The following MXRA5 variants were observed in gnomAD, a reference collection of about 807,000 sequenced individuals.
The protein encoded by MXRA5 is matrix-remodeling-associated protein 5.
A neutral mutation model predicts 112.5 loss-of-function variants in MXRA5; 41 were observed. The observed-to-expected ratio is 0.36, with a 90% CI of 0.28 to 0.47. The LOEUF is 0.47. Ranked by LOEUF, MXRA5 falls within the 20% of genes least tolerant of loss-of-function variation. The pLI, the probability that MXRA5 is intolerant of heterozygous loss-of-function variation, is 0.99. For missense variants in MXRA5, 2,150 were observed against 2,251.0 expected, an observed-to-expected ratio of 0.96 and a Z score of 0.91; for synonymous variants, 862 against 900.8, an observed-to-expected ratio of 0.96 and a Z score of 0.77.
In MXRA5 at chrX:3,310,028, G is replaced by T. The variant is rs754617706; in HGVS notation, c.8175C>A (p.Pro2725=). The change falls in exon 7 of 7, where the codon CCC becomes CCA. Residue 2725 remains proline (P), a synonymous_variant. Transcript: ENST00000217939. ...GGGGAGGATAGGCGATCACAATCAC[G>T]GGGATGCTGGTGACCGAAGGGCCGT... is the stretch of plus-strand genomic sequence containing the variant. The part of the protein sequence containing the change: ...TEYGPSVTSI[P]VIVIAYPPRI... 4.1e-6 allele frequency: 5 copies of T among 1,211,393 alleles called. No individual in the cohort carries two copies. The South Asian group carries it at 8.8e-5, about 21-fold the overall frequency.
intron 2 of MXRA5, among the ~76,000 whole-genome samples, chrX:3,341,696 T>G (rs1313686207): frequency 1.2e-5 from 1 of 82,337 alleles, no homozygotes; most frequent in South Asian, 5.3e-4. Context: ...ATAAAGATAA[T>G]ATATATAAAA....
intron 2 of MXRA5, among the ~76,000 whole-genome samples, chrX:3,339,417 A>G: frequency 9.1e-6 from 1 of 110,343 alleles, no homozygotes; most frequent in East Asian, 2.9e-4. Context: ...GGAGCCCACC[A>G]CCACGCCCAG....
intron 2 of MXRA5, among the ~76,000 whole-genome samples, chrX:3,341,232 A>G (rs1420944100): frequency 2.0e-5 from 1 of 49,480 alleles, no homozygotes; most frequent in East Asian, 6.3e-4. Context: ...TAATGTATAT[A>G]ATTATATAAT....
At chrX:3,328,188 A>G (rs1005682028) in intron 4 of MXRA5, among the ~76,000 whole-genome samples, 1 of 112,203 alleles carries the variant, frequency 8.9e-6, no homozygotes, top group African/African-American at 3.2e-5. Context: ...TCCCACATCC[A>G]TTGCTTGATG....
intron 4 of MXRA5, among the ~76,000 whole-genome samples, chrX:3,328,798 G>C (rs1374036653): frequency 9.6e-6 from 1 of 103,663 alleles, no homozygotes; most frequent in South Asian, 4.7e-4. Context: ...GAGAGTGAAG[G>C]GGGGAGGAAT....
At chrX:3,343,982 T>C (rs1430609463) in intron 1 of MXRA5, 121 bp from the exon 2 acceptor site, 14 of 527,525 alleles carry the variant, frequency 2.7e-5, no homozygotes, top group Non-Finnish European at 3.9e-5. Context: ...CACGATGTGT[T>C]GTAGTGACGC....
chrX:3,337,317 G>A (rs1439435728), intron 2 of MXRA5, among the ~76,000 whole-genome samples: 3 of 111,909 alleles, frequency 2.7e-5, no homozygotes, highest in Non-Finnish European at 5.6e-5. Flanking sequence ...TTTATGGCAC[G>A]GCCATTGATT....
At position 3,309,673 on chromosome X, in the gene MXRA5, G is replaced by A. The variant is rs753041117; in HGVS notation, c.*43C>T. The A allele has an allele frequency of 1.8e-6, 2 of 1,137,703 alleles. No homozygotes were observed. Among genetic ancestry groups the A allele is most frequent in the Non-Finnish European group, 1.2e-6 (1 of 841,122 alleles). The allele number at this position is 1,137,703 out of a possible 1,213,427, so 93.8% of individuals were successfully genotyped here. A position where few individuals can be genotyped will look rare whatever the true frequency, so the allele number is the denominator to read the frequency against. The stretch of plus-strand genomic sequence containing the variant: ...CAACCTGGCTTCCCTTACAAACCCC[G>A]CTTTGTTGTCAGTTCCTAAGCAATC... On this transcript the variant is annotated 3_prime_UTR_variant, in exon 7 of 7. Coordinates refer to ENST00000217939, the MANE Select transcript of MXRA5 (RefSeq NM_015419.4).
intron 4 of MXRA5, among the ~76,000 whole-genome samples, chrX:3,325,903 T>C (rs1464544059): frequency 9.4e-5 from 3 of 31,896 alleles, no homozygotes; most frequent in South Asian, 2.1e-3. Flanking sequence ...TTATAATGTA[T>C]AATTTTAAAT....
At chrX:3,332,512 G>A (rs774529776) in intron 2 of MXRA5, among the ~76,000 whole-genome samples, 2 of 112,162 alleles carry the variant, frequency 1.8e-5, no homozygotes, top group East Asian at 5.6e-4. Context: ...CCAAAGTGCT[G>A]GGATTACAGG....
intron 5 of MXRA5, among the ~76,000 whole-genome samples, chrX:3,318,863 C>CT (rs200834923): frequency 1.9e-5 from 1 of 52,965 alleles, no homozygotes; most frequent in African/African-American, 7.8e-5. Context: ...TTTTCTTTTT[C>CT]TTTAAAAAAA....
rs139962691 is a variant in MXRA5 at position 3,329,993 on chromosome X, G to A, written c.709+25C>T. 5.2e-3 allele frequency: 6,157 copies of A among 1,190,600 alleles called. 174 individuals are homozygous for A. The African/African-American group carries it at 0.085, about 16-fold the overall frequency. On this transcript the variant is annotated intron_variant, in intron 4 of 6. Coordinates refer to ENST00000217939, the MANE Select transcript of MXRA5 (RefSeq NM_015419.4). Reference sequence around the variant, plus strand: ...AAGATAAAAGAATGTGCAGCTAGGAGTGGTCTGCTCTCCTCTCTTCTTACC... The same window carrying A: ...AAGATAAAAGAATGTGCAGCTAGGAATGGTCTGCTCTCCTCTCTTCTTACC...
intron 2 of MXRA5, among the ~76,000 whole-genome samples, chrX:3,334,772 G>A (rs970059241): frequency 8.9e-6 from 1 of 111,765 alleles, no homozygotes; most frequent in African/African-American, 3.2e-5. Context: ...ACACTCAAAT[G>A]ACCAATTTCA....
At chrX:3,344,484 T>A (rs886312351) in intron 1 of MXRA5, among the ~76,000 whole-genome samples, 14 of 111,585 alleles carry the variant, frequency 1.3e-4, no homozygotes, top group African/African-American at 4.2e-4. Flanking sequence ...ATAGAGTTGC[T>A]GTTAATCGGG....
chrX:3,329,096 A>G (rs1468585301), intron 4 of MXRA5, among the ~76,000 whole-genome samples: 1 of 95,719 alleles, frequency 1.0e-5, no homozygotes, highest in African/African-American at 3.9e-5. Flanking sequence ...GAGGGAATGA[A>G]GGAAGGAGAC....
intron 4 of MXRA5, among the ~76,000 whole-genome samples, chrX:3,326,115 T>G (rs1195579399): frequency 1.7e-5 from 1 of 58,396 alleles, no homozygotes; most frequent in East Asian, 5.0e-4. Flanking sequence ...ATAAATACAT[T>G]TATATATATT....
Position 3,317,699 on chromosome X carries a change from A to T in MXRA5, c.5982T>A (p.Thr1994=). 8.3e-7 allele frequency: 1 copy of T among 1,203,329 alleles called. No individual in the cohort carries two copies. The highest frequency in any genetic ancestry group is 1.1e-6 in the Non-Finnish European group (1 of 890,321). ...TGATGCGGCCCTCCACGGGGGACAC[A>T]GTTTGCCACACCCTCCTGTCAGGGA... ...WIFPDRRVWQ[T]VSPVEGRITL... is the part of the protein sequence containing the mutation. Residue 1994 remains threonine, a synonymous_variant, in exon 6 of 7, where the codon ACT becomes ACA. Transcript: ENST00000217939.
chrX:3,333,617 C>T (rs137970991), intron 2 of MXRA5, among the ~76,000 whole-genome samples: 90 of 111,529 alleles, frequency 8.1e-4, no homozygotes, highest in African/African-American at 2.9e-3. Context: ...AAGCTTCAAC[C>T]TGCATTCAGA....
chrX:3,328,992 G>A (rs1173621092), intron 4 of MXRA5, among the ~76,000 whole-genome samples: 2 of 101,135 alleles, frequency 2.0e-5, no homozygotes, highest in African/African-American at 3.6e-5. Flanking sequence ...GAGCGAGGGA[G>A]GGAAGGTGGG....
Sources: allele counts gnomAD v4.1 joint callset (sites outside exome capture counted in the v4.1 genomes callset), GRCh38; gene constraint gnomAD v4.1.1; transcripts MANE v1.5; gene names NCBI Gene and HGNC (gene_info 2026-07-23, HGNC 2026-07-21).